RRP1B: variants seen among roughly 807,000 people sequenced by gnomAD.
RRP1B encodes ribosomal RNA processing protein 1 homolog B.
In RRP1B, 56 loss-of-function variants were observed where a neutral mutation model predicts 80.2. That is an observed-to-expected ratio of 0.70 (90% confidence interval 0.56 to 0.87). RRP1B has a LOEUF of 0.87. Ranked by LOEUF, RRP1B falls within the 40% of genes least tolerant of loss-of-function variation. The pLI is 0.00. For missense variants in RRP1B, 807 were observed against 939.8 expected, an observed-to-expected ratio of 0.86 and a Z score of 1.85; for synonymous variants, 351 against 357.6, an observed-to-expected ratio of 0.98 and a Z score of 0.21.
At chr21:43,686,357 A>C (rs929420820) in intron 11 of RRP1B, 1 of 169,504 alleles carries the variant, frequency 5.9e-6, no homozygotes, top group Non-Finnish European at 1.3e-5. Context: ...ATACTCTATG[A>C]AGGTAAAAAA....
chr21:43,693,446 T>G lies in RRP1B; in HGVS notation c.*63T>G. On this transcript the variant is annotated 3_prime_UTR_variant, in exon 16 of 16. Coordinates refer to ENST00000340648, the MANE Select transcript of RRP1B (RefSeq NM_015056.3). This position sits in a 1 kb window ranked among gnomAD's most constrained non-coding sequence, Gnocchi z 4.1. ...CAGAATGCGCTATAAATTATACCTT[T>G]AAGAATGTGGGGCCTTTTTTATGAT... 1 of 1,394,926 alleles carries G rather than the reference T, an allele frequency of 7.2e-7. No individual in the cohort carries two copies. The highest frequency in any genetic ancestry group is 9.5e-7 in the Non-Finnish European group (1 of 1,053,310). The allele number at this position is 1,394,926 out of a possible 1,614,324, so 86.4% of individuals were successfully genotyped here. A position where few individuals can be genotyped will look rare whatever the true frequency, so the allele number is the denominator to read the frequency against.
intron 10 of RRP1B, among the ~76,000 whole-genome samples, chr21:43,685,419 T>C (rs907728400): frequency 1.3e-5 from 2 of 152,200 alleles, no homozygotes; most frequent in Non-Finnish European, 2.9e-5. Flanking sequence ...CACTGGAGAA[T>C]TGAATATGAG....
At chr21:43,660,354 G>A (rs970818422) in intron 1 of RRP1B, among the ~76,000 whole-genome samples, 18 of 152,160 alleles carry the variant, frequency 1.2e-4, no homozygotes, top group African/African-American at 3.6e-4. Flanking sequence ...ACCTGAGGTC[G>A]GGAGTTCGAG....
chr21:43,687,630 C>T lies in RRP1B; in HGVS notation c.1256C>T (p.Ala419Val), dbSNP rs1245533693. The change falls in exon 13 of 16, where the codon GCA becomes GTA. Residue 419 changes from alanine to valine, a missense_variant. Transcript: ENST00000340648. Reference protein sequence around the residue: ...LQPENPGPGGAAPSLEQNRGR... With the variant: ...LQPENPGPGGVAPSLEQNRGR... ...CCTGAAAATCCAGGCCCAGGGGGTG[C>T]AGCCCCATCCCTGGAACAGAACCGG... The T allele has an allele frequency of 1.9e-6, 3 of 1,549,782 alleles. No individual in the cohort carries two copies. The highest frequency in any genetic ancestry group is 2.0e-5 in the Admixed American group (1 of 49,816).
chr21:43,682,306 G>A (rs1327477976), intron 8 of RRP1B, among the ~76,000 whole-genome samples: 3 of 152,120 alleles, frequency 2.0e-5, no homozygotes, highest in African/African-American at 7.2e-5. Flanking sequence ...TTCATGAAAC[G>A]TGTGCTGCGC....
intron 13 of RRP1B, among the ~76,000 whole-genome samples, chr21:43,689,458 G>A (rs1042600811): frequency 1.1e-4 from 17 of 152,188 alleles, no homozygotes; most frequent in African/African-American, 4.1e-4. Flanking sequence ...GCACTGAGCT[G>A]GACGGCAGGA....
chr21:43,688,267 C>A (rs905403342), intron 13 of RRP1B, 27 bp downstream of exon 13: 2 of 1,501,652 alleles, frequency 1.3e-6, no homozygotes, highest in East Asian at 2.4e-5. Context: ...CACAGGCCAG[C>A]TCGCCACAGA....
In RRP1B at chr21:43,693,828, GTC is replaced by G. The variant is rs1488712811; in HGVS notation, c.*447_*448del. The G allele has an allele frequency of 6.4e-6, 1 of 155,486 alleles. No homozygotes were observed. The allele number at this position is 155,486 out of a possible 1,614,324, so 9.6% of individuals were successfully genotyped here. A position where few individuals can be genotyped will look rare whatever the true frequency, so the allele number is the denominator to read the frequency against. ...AAGTTGGTTTCTGTTAGTCTTAACAGTCTGTTTTCTTTTAAAAGCATGTAGGG... is the reference window on the plus strand; with the variant it reads ...AAGTTGGTTTCTGTTAGTCTTAACAGTGTTTTCTTTTAAAAGCATGTAGGG... On this transcript the variant is annotated 3_prime_UTR_variant, in exon 16 of 16. Coordinates refer to ENST00000340648, the MANE Select transcript of RRP1B (RefSeq NM_015056.3). The surrounding 1 kb of genome is among the most constrained non-coding windows in gnomAD (Gnocchi z 4.1).
chr21:43,667,337 C>T (rs929173646), intron 1 of RRP1B, among the ~76,000 whole-genome samples: 5 of 152,160 alleles, frequency 3.3e-5, no homozygotes, highest in Non-Finnish European at 7.3e-5. Context: ...GGTCATCCTC[C>T]CACTTCAGCC....
intron 11 of RRP1B, chr21:43,686,008 T>G (rs1371850755): frequency 2.4e-6 from 1 of 409,286 alleles, no homozygotes; most frequent in Non-Finnish European, 4.2e-6. Flanking sequence ...GTAGTCCCAG[T>G]CACTTGGGAG....
In RRP1B at chr21:43,688,051, C is replaced by G. The variant is rs1374452239; in HGVS notation, c.1677C>G (p.Asn559Lys). 1.2e-6 allele frequency: 2 copies of G among 1,612,366 alleles called. No individual in the cohort carries two copies. The highest frequency in any genetic ancestry group is 2.2e-5 in the South Asian group (2 of 91,074). Residue 559 changes from asparagine to lysine, a missense_variant, in exon 13 of 16, where the codon AAC becomes AAG. Transcript: ENST00000340648. ...GPPTGPAEGA[N>K]SHTTLPQRRR... ...CCACAGGCCCCGCAGAGGGGGCGAA[C>G]AGCCACACCACGCTGCCCCAGCGCA...
chr21:43,694,088 C>T lies in RRP1B; in HGVS notation c.*705C>T, dbSNP rs1033850547. 5 of 152,802 alleles carry T rather than the reference C, an allele frequency of 3.3e-5. No homozygotes were observed. The highest frequency in any genetic ancestry group is 1.5e-5 in the Non-Finnish European group (1 of 68,268). The allele number at this position is 152,802 out of a possible 1,614,324, so 9.5% of individuals were successfully genotyped here. A position where few individuals can be genotyped will look rare whatever the true frequency, so the allele number is the denominator to read the frequency against. On this transcript the variant is annotated 3_prime_UTR_variant, in exon 16 of 16. Transcript: ENST00000340648. ...AAGCCCAAAGTGTCTTCCCGGGAGC[C>T]CAGCGCAGCCCCCGGCTCTTACCCA...
chr21:43,662,678 G>A (rs7282304), intron 1 of RRP1B, among the ~76,000 whole-genome samples: 1 of 152,200 alleles, frequency 6.6e-6, no homozygotes, highest in African/African-American at 2.4e-5. Context: ...AACTGTTCAA[G>A]TTGGGTGCTC....
At position 43,691,316 on chromosome 21, in the gene RRP1B, G is replaced by A. The variant is rs1313199375; in HGVS notation, c.2020-123G>A. 1.1e-5 allele frequency: 9 copies of A among 828,606 alleles called. No individual in the cohort carries two copies. The African/African-American group carries it at 1.4e-4, about 12-fold the overall frequency. 51.3% of individuals were successfully genotyped at this position (828,606 alleles called of 1,614,324 possible). A position where few individuals can be genotyped will look rare whatever the true frequency, so the allele number is the denominator to read the frequency against. On this transcript the variant is annotated intron_variant, in intron 14 of 15. Transcript: ENST00000340648. This position sits in a 1 kb window ranked among gnomAD's most constrained non-coding sequence, Gnocchi z 4.2. ...GTCCCTTTGGCCTCTCCCTATATGT[G>A]CCACTCAGTAAGCAGCAGTGTGGGC...
intron 2 of RRP1B, among the ~76,000 whole-genome samples, chr21:43,670,260 T>G (rs930805136): frequency 3.3e-5 from 5 of 152,252 alleles, no homozygotes; most frequent in African/African-American, 1.2e-4. Context: ...TTCTCTCTTC[T>G]GGTAAGTTTA....
intron 13 of RRP1B, among the ~76,000 whole-genome samples, chr21:43,689,600 C>A (rs985476382): frequency 2.6e-5 from 4 of 152,218 alleles, no homozygotes; most frequent in Non-Finnish European, 5.9e-5. Context: ...TTCTTGCTGT[C>A]GTCTCAGGCC....
In RRP1B at chr21:43,678,994, C is replaced by G. The variant is rs186079776; in HGVS notation, c.796+2080C>G. ...ATTCTTCTTGACAATTACCCCAGCACCATTTTTGAATAGGGTGTCCTTTCC... is the reference window on the plus strand; with the variant it reads ...ATTCTTCTTGACAATTACCCCAGCAGCATTTTTGAATAGGGTGTCCTTTCC... On this transcript the variant is annotated intron_variant, in intron 8 of 15. Coordinates refer to ENST00000340648, the MANE Select transcript of RRP1B (RefSeq NM_015056.3). 2.6e-5 allele frequency among the ~76,000 whole-genome samples: 4 copies of G among 152,264 alleles called. No individual in the cohort carries two copies. In the East Asian group the frequency reaches 5.8e-4, roughly 22 times the overall value.
chr21:43,660,510 CG>C (rs2082948539), intron 1 of RRP1B, among the ~76,000 whole-genome samples: 2 of 152,026 alleles, frequency 1.3e-5, no homozygotes. Flanking sequence ...TGCGGTGAGC[CG>C]AGATCGCAGC....
chr21:43,662,231 C>T (rs9984711), intron 1 of RRP1B, among the ~76,000 whole-genome samples: 13,464 of 152,200 alleles, frequency 0.088, 1,853 homozygotes, highest in African/African-American at 0.29. Flanking sequence ...AGAGGTTATG[C>T]GGGGGCCTAA....
Sources: gnomAD v4.1 joint callset for allele counts (sites outside exome capture counted in the v4.1 genomes callset) on GRCh38, gnomAD v4.1.1 for gene constraint, Gnocchi (gnomAD v3.1) non-coding constraint, MANE v1.5 for transcripts, NCBI Gene and HGNC (gene_info 2026-07-23, HGNC 2026-07-21) for gene names.